Variants in BMPER observed in about 807,000 individuals in gnomAD.
BMPER encodes the protein BMP-binding endothelial regulator protein.
In BMPER, 45 loss-of-function variants were observed where a neutral mutation model predicts 87.3. That is an observed-to-expected ratio of 0.52 (90% confidence interval 0.41 to 0.66). The LOEUF is 0.66. BMPER is among the 30% of genes least tolerant of loss of function. The pLI is 0.00. For missense variants in BMPER, 784 were observed against 867.5 expected (o/e 0.90, Z 1.21); for synonymous variants, 326 against 316.2 (o/e 1.03, Z -0.33).
chr7:34,037,712 C>A (rs559254960), intron 6 of BMPER, among the ~76,000 whole-genome samples: 1 of 152,162 alleles, frequency 6.6e-6, no homozygotes, highest in African/African-American at 2.4e-5. Context: ...TCATTAACAC[C>A]GAAAGTTGCT....
At chr7:34,031,911 T>C (rs1161399915) in intron 6 of BMPER, among the ~76,000 whole-genome samples, 1 of 126,442 alleles carries the variant, frequency 7.9e-6, no homozygotes, top group Non-Finnish European at 1.6e-5. Context: ...TATATATATA[T>C]ATATATATAT....
chr7:34,051,975 G>A lies in BMPER; in HGVS notation c.786+5G>A, dbSNP rs776079811. ...TGCACAGCTTGTACCTGCAGGGTAA[G>A]GCAGCTCTGAGAGGCTGTGGTCCAG... On this transcript the variant is annotated splice_donor_5th_base_variant and intron_variant, in intron 8 of 14. Transcript: ENST00000649409. 1 of 1,607,538 alleles carries A rather than the reference G, an allele frequency of 6.2e-7. No individual in the cohort carries two copies. Among genetic ancestry groups the A allele is most frequent in the Non-Finnish European group, 8.5e-7 (1 of 1,174,042 alleles).
At chr7:33,988,618 TA>T (rs1401973655) in intron 6 of BMPER, among the ~76,000 whole-genome samples, 13 of 152,268 alleles carry the variant, frequency 8.5e-5, no homozygotes, top group Middle Eastern at 3.4e-3. Context: ...TTTTTTTAAT[TA>T]TTTTTTTAAT....
In BMPER at chr7:34,011,272, G is replaced by A. The variant is rs143875579; in HGVS notation, c.577-35034G>A. Among the ~76,000 whole-genome samples the A allele has an allele frequency of 4.8e-4, 73 of 151,888 alleles. 1 individual carries two copies. In the East Asian group the frequency reaches 0.01, roughly 21 times the overall value. On this transcript the variant is annotated intron_variant, in intron 6 of 14. Transcript: ENST00000649409. ...ACTCAGTAGGTCTGGGGTGAGGCCC[G>A]AGATTCTGTATTTCTACCAAGTTTC... is the stretch of plus-strand genomic sequence containing the variant.
At chr7:33,919,379 A>G (rs1211651446) in intron 2 of BMPER, among the ~76,000 whole-genome samples, 1 of 152,246 alleles carries the variant, frequency 6.6e-6, no homozygotes, top group African/African-American at 2.4e-5. Flanking sequence ...ATGAGGGGGT[A>G]TTTAAATTCA....
chr7:33,943,232 T>C (rs1231438591), intron 3 of BMPER, among the ~76,000 whole-genome samples: 2 of 152,196 alleles, frequency 1.3e-5, no homozygotes, highest in African/African-American at 4.8e-5. Context: ...GTTTATTACA[T>C]GTATATATAA....
chr7:34,119,014 T>TCTCACACACACACACA lies in BMPER; in HGVS notation c.1746-24215_1746-24214insTCACACACACACACAC, dbSNP rs66493349. The stretch of plus-strand genomic sequence containing the variant: ...CTCTCACTGTCTCTCTCTCTCTCTC[T>TCTCACACACACACACA]CACACACACACACACACACACACGC... On this transcript the variant is annotated intron_variant, in intron 13 of 14. Coordinates refer to ENST00000649409, the MANE Select transcript of BMPER (RefSeq NM_001365308.1). Among the ~76,000 whole-genome samples, 1,115 of 135,732 alleles carry TCTCACACACACACACA rather than the reference T, an allele frequency of 8.2e-3. 16 individuals are homozygous for TCTCACACACACACACA. Among genetic ancestry groups the TCTCACACACACACACA allele is most frequent in the African/African-American group, 0.02 (754 of 37,988 alleles). The allele number at this position is 135,732 out of a possible 152,430, so 89.0% of individuals were successfully genotyped here. A position where few individuals can be genotyped will look rare whatever the true frequency, so the allele number is the denominator to read the frequency against.
chr7:34,125,758 T>A lies in BMPER; in HGVS notation c.1746-17472T>A, dbSNP rs965634858. ...AGGCCCCAAGACATGTGTTGAATTA[T>A]TCATTCAATATTCATTCAATATTGT... On this transcript the variant is annotated intron_variant, in intron 13 of 14. Coordinates refer to ENST00000649409, the MANE Select transcript of BMPER (RefSeq NM_001365308.1). Among the ~76,000 whole-genome samples, 14 of 152,174 alleles carry A rather than the reference T, an allele frequency of 9.2e-5. 1 individual carries two copies. Among genetic ancestry groups the A allele is most frequent in the African/African-American group, 3.4e-4 (14 of 41,466 alleles).
At chr7:33,957,782 A>G (rs940073434) in intron 3 of BMPER, among the ~76,000 whole-genome samples, 2 of 152,230 alleles carry the variant, frequency 1.3e-5, no homozygotes, top group Non-Finnish European at 2.9e-5. Flanking sequence ...AGAATTAAAA[A>G]TAAAAGATAA....
At chr7:34,040,398 G>A (rs189663703) in intron 6 of BMPER, among the ~76,000 whole-genome samples, 10 of 152,316 alleles carry the variant, frequency 6.6e-5, no homozygotes, top group African/African-American at 1.4e-4. Context: ...AGCAAAGTGC[G>A]AATTAGGTTG....
chr7:33,980,411 A>G (rs1040729354), intron 6 of BMPER, among the ~76,000 whole-genome samples: 1 of 152,194 alleles, frequency 6.6e-6, no homozygotes, highest in Non-Finnish European at 1.5e-5. Context: ...AAGTATACTG[A>G]GTGTTGGTTA....
chr7:33,988,800 A>G (rs1338803305), intron 6 of BMPER, among the ~76,000 whole-genome samples: 2 of 112,488 alleles, frequency 1.8e-5, no homozygotes, highest in Non-Finnish European at 3.4e-5. Flanking sequence ...AGAGTGTGAT[A>G]TTCCCCTTTC....
chr7:33,920,419 T>TTTC (rs1784195063), intron 2 of BMPER, among the ~76,000 whole-genome samples: 1 of 71,750 alleles, frequency 1.4e-5, no homozygotes, highest in Non-Finnish European at 2.5e-5. Flanking sequence ...AACTCCGTTG[T>TTTC]GTTTTTTTTT....
chr7:34,117,001 A>G (rs1265555601), intron 13 of BMPER, among the ~76,000 whole-genome samples: 2 of 152,056 alleles, frequency 1.3e-5, no homozygotes, highest in African/African-American at 4.8e-5. Context: ...GAAAAAAAAA[A>G]AAGAAAAGAA....
intron 13 of BMPER, among the ~76,000 whole-genome samples, chr7:34,090,820 A>G (rs561647210): frequency 1.7e-4 from 26 of 152,288 alleles, no homozygotes; most frequent in Admixed American, 4.6e-4. Context: ...AGAGACCACA[A>G]TCATCTCAAG....
At chr7:34,035,689 C>T (rs535584791) in intron 6 of BMPER, among the ~76,000 whole-genome samples, 1 of 152,122 alleles carries the variant, frequency 6.6e-6, no homozygotes, top group Non-Finnish European at 1.5e-5. Flanking sequence ...AACTGAAAAC[C>T]AAACACTTCT....
At chr7:34,105,101 A>T (rs1213347788) in intron 13 of BMPER, among the ~76,000 whole-genome samples, 2 of 152,178 alleles carry the variant, frequency 1.3e-5, no homozygotes, top group African/African-American at 4.8e-5. Flanking sequence ...GAGGCAAGTG[A>T]TGCTGTATAC....
At chr7:34,036,177 G>A (rs1016753270) in intron 6 of BMPER, among the ~76,000 whole-genome samples, 9 of 152,156 alleles carry the variant, frequency 5.9e-5, no homozygotes, top group South Asian at 4.2e-4. Context: ...TAGATAAAGC[G>A]TTTGATGTGT....
chr7:34,090,113 T>TGCAG (rs1789339332), intron 13 of BMPER, among the ~76,000 whole-genome samples: 4 of 152,222 alleles, frequency 2.6e-5, no homozygotes, highest in African/African-American at 9.6e-5. Flanking sequence ...GCAGAAAAGT[T>TGCAG]TTAACCAAAT....
Sources: gnomAD v4.1 joint callset for allele counts (sites outside exome capture counted in the v4.1 genomes callset) on GRCh38, gnomAD v4.1.1 for gene constraint, MANE v1.5 for transcripts, NCBI Gene and HGNC (gene_info 2026-07-23, HGNC 2026-07-21) for gene names.